The following SNRNP200 variants were observed in gnomAD, a reference collection of about 807,000 sequenced individuals.
The protein encoded by SNRNP200 is small nuclear ribonucleoprotein U5 subunit 200.
A neutral mutation model predicts 255.2 loss-of-function variants in SNRNP200; 66 were observed. That is an observed-to-expected ratio of 0.26 (90% CI 0.21 to 0.32). SNRNP200 has a LOEUF of 0.32. Among genes scored for constraint, SNRNP200 ranks in the 10% least tolerant of loss-of-function variants. SNRNP200 has a pLI of 1.00. For synonymous variants in SNRNP200, 939 were observed against 1,027.8 expected, an observed-to-expected ratio of 0.91 and a Z score of 1.65; for missense variants, 1,585 against 2,749.8, an observed-to-expected ratio of 0.58 and a Z score of 9.47.
Position 96,300,680 on chromosome 2 carries a change from G to A in SNRNP200, c.630+318C>T, listed in dbSNP as rs893415511. Among the ~76,000 whole-genome samples the A allele has an allele frequency of 1.6e-4, 24 of 151,962 alleles. 1 individual carries two copies. The highest frequency in any genetic ancestry group is 1.1e-3 in the Admixed American group (17 of 15,272). The stretch of plus-strand genomic sequence containing the variant: ...CGGGAGGCTGAGGCAGGAGAATGGC[G>A]CGAAACCTGGGAGGCAGAGCTTGCA... On this transcript the variant is annotated intron_variant, in intron 5 of 44. Coordinates refer to ENST00000323853, the MANE Select transcript of SNRNP200 (RefSeq NM_014014.5).
At chr2:96,301,757 C>G (rs1324446505) in intron 3 of SNRNP200, 41 bp from the exon 4 acceptor site, 1 of 1,608,060 alleles carries the variant, frequency 6.2e-7, no homozygotes, top group South Asian at 1.1e-5. Context: ...AGAACGACGA[C>G]AGGCAAAACA....
chr2:96,289,134 A>C lies in SNRNP200; in HGVS notation c.3094-17T>G. The stretch of plus-strand genomic sequence containing the variant: ...CTTCTCCTCCTGCCACAAGGAGGAA[A>C]AGGTCAAGGGAAAGCCTTGTGGCCG... On this transcript the variant is annotated splice_polypyrimidine_tract_variant and intron_variant, in intron 22 of 44. Transcript: ENST00000323853. The C allele has an allele frequency of 6.2e-7, 1 of 1,613,982 alleles. No individual in the cohort carries two copies. Among genetic ancestry groups the C allele is most frequent in the Non-Finnish European group, 8.5e-7 (1 of 1,179,940 alleles).
At chr2:96,288,931 TGA>T in intron 23 of SNRNP200, 104 bp downstream of exon 23, 1 of 1,139,780 alleles carries the variant, frequency 8.8e-7, no homozygotes, top group Non-Finnish European at 1.3e-6. Context: ...CTAGGAGAAC[TGA>T]GCAGGAAACC....
intron 34 of SNRNP200, 158 bp from the exon 35 acceptor site, chr2:96,282,080 A>T (rs1293150530): frequency 4.7e-6 from 3 of 637,500 alleles, no homozygotes; most frequent in Non-Finnish European, 5.7e-6. Context: ...GAGCTAACAC[A>T]TTGCTATGAG....
intron 24 of SNRNP200, 145 bp from the exon 25 acceptor site, chr2:96,288,114 T>C (rs2063855026): frequency 1.3e-6 from 1 of 744,102 alleles, no homozygotes; most frequent in Admixed American, 2.0e-5. Flanking sequence ...TCTTTACGCC[T>C]TTCTCCGTTC....
In SNRNP200 at chr2:96,289,856, G is replaced by A. The variant is rs994041082; in HGVS notation, c.2883C>T (p.Ala961=). The stretch of plus-strand genomic sequence containing the variant: ...CCAGATTGTTCTTGTCCAGCATCAG[G>A]GCAGCTGTATGAACCAGATCTAGTC... ...QRRLDLVHTA[A]LMLDKNNLVK... is the part of the protein sequence containing the mutation. The change falls in exon 21 of 45, where the codon GCC becomes GCT. Residue 961 remains alanine, a synonymous_variant. Transcript: ENST00000323853. 6.8e-6 allele frequency: 11 copies of A among 1,614,034 alleles called. No homozygotes were observed. The highest frequency in any genetic ancestry group is 1.7e-5 in the Admixed American group (1 of 59,986).
At chr2:96,285,097 T>G (rs2063836299) in intron 30 of SNRNP200, 83 bp downstream of exon 30, 15 of 1,534,370 alleles carry the variant, frequency 9.8e-6, no homozygotes, top group Admixed American at 5.1e-5. Context: ...ACCCTGCAAA[T>G]TTCAGGGCTT....
At chr2:96,304,104 C>G (rs911471897) in intron 2 of SNRNP200, among the ~76,000 whole-genome samples, 1 of 151,936 alleles carries the variant, frequency 6.6e-6, no homozygotes, top group Non-Finnish European at 1.5e-5. Flanking sequence ...TAACTCATTT[C>G]AAACATAACT....
intron 1 of SNRNP200, among the ~76,000 whole-genome samples, chr2:96,305,155 GA>G (rs1434107046): frequency 1.3e-5 from 2 of 152,238 alleles, no homozygotes; most frequent in Admixed American, 6.5e-5. Context: ...GTGACGTGTG[GA>G]AGGGGGAGGG....
intron 5 of SNRNP200, among the ~76,000 whole-genome samples, chr2:96,300,568 C>A (rs1309726461): frequency 6.6e-6 from 1 of 152,066 alleles, no homozygotes; most frequent in Non-Finnish European, 1.5e-5. Context: ...TCAAGACCAC[C>A]TTGGCTAACA....
chr2:96,295,533 C>A lies in SNRNP200; in HGVS notation c.1797G>T (p.Lys599Asn). The A allele has an allele frequency of 6.2e-7, 1 of 1,613,930 alleles. No homozygotes were observed. The highest frequency in any genetic ancestry group is 8.5e-7 in the Non-Finnish European group (1 of 1,180,018). The change falls in exon 14 of 45, where the codon AAG becomes AAT. Residue 599 changes from lysine to asparagine, a missense_variant. Physicochemically the swap from Lys to Asn is moderately conservative, Grantham distance 94 (BLOSUM62 0). Coordinates refer to ENST00000323853, the MANE Select transcript of SNRNP200 (RefSeq NM_014014.5). The stretch of plus-strand genomic sequence containing the variant: ...GCTGGGTGTAGGTGCGCTCACCACC[C>A]TTGCGGGTGATGATGTCCCACTTCT... ...TPEKWDIITR[K>N]GGERTYTQLV...
chr2:96,301,102 AC>A (rs1291023972), intron 4 of SNRNP200, 49 bp from the exon 5 acceptor site: 2 of 1,533,360 alleles, frequency 1.3e-6, no homozygotes, highest in Admixed American at 3.3e-5. Context: ...GGCTAGTAAA[AC>A]AAGGCACTCT....
At chr2:96,280,848 C>CT (rs985439781) in intron 35 of SNRNP200, among the ~76,000 whole-genome samples, 2,855 of 114,778 alleles carry the variant, frequency 0.025, 61 homozygotes, top group African/African-American at 0.04. Context: ...ACACCTGGCC[C>CT]TTTTTTTTTT....
rs780821025 is a variant in SNRNP200 at position 96,296,922 on chromosome 2, G to T, written c.1515+11C>A. ...ATTCTACAAGAAAACAGCAGGCAGGGTGGCGCTTACAGTAGGAGCACACAG... is the reference window on the plus strand; with the variant it reads ...ATTCTACAAGAAAACAGCAGGCAGGTTGGCGCTTACAGTAGGAGCACACAG... On this transcript the variant is annotated intron_variant, in intron 12 of 44. Transcript: ENST00000323853. 2 of 1,614,138 alleles carry T rather than the reference G, an allele frequency of 1.2e-6. No homozygotes were observed. Among genetic ancestry groups the T allele is most frequent in the East Asian group, 4.5e-5 (2 of 44,882 alleles).
chr2:96,276,441 T>TTTA, intron 43 of SNRNP200: 10 of 159,366 alleles, frequency 6.3e-5, no homozygotes, highest in South Asian at 5.1e-4. Context: ...TTTTTTTTTT[T>TTTA]GAGATGAAGT....
At chr2:96,285,459 G>A in intron 29 of SNRNP200, 119 bp from the exon 30 acceptor site, 1 of 1,178,558 alleles carries the variant, frequency 8.5e-7, no homozygotes. Flanking sequence ...CAGTTCTGGA[G>A]TGCAGACAGA....
At position 96,283,770 on chromosome 2, in the gene SNRNP200, T is replaced by C; in HGVS notation, c.4584+43A>G. On this transcript the variant is annotated intron_variant, in intron 32 of 44. Transcript: ENST00000323853. This position sits in a 1 kb window ranked among gnomAD's most constrained non-coding sequence, Gnocchi z 4.7. ...GTTATCAGACCTGGGTCACTCAGGATCTATGTGACACCCCACAGACGGATG... is the reference window on the plus strand; with the variant it reads ...GTTATCAGACCTGGGTCACTCAGGACCTATGTGACACCCCACAGACGGATG... The C allele has an allele frequency of 1.2e-6, 2 of 1,613,684 alleles. No individual in the cohort carries two copies. The highest frequency in any genetic ancestry group is 1.7e-6 in the Non-Finnish European group (2 of 1,179,828).
intron 43 of SNRNP200, chr2:96,276,677 C>T (rs747462279): frequency 1.7e-6 from 1 of 604,526 alleles, no homozygotes; most frequent in South Asian, 1.6e-5. Flanking sequence ...GCCTTGGCCT[C>T]CCAAAGTGCT....
intron 35 of SNRNP200, among the ~76,000 whole-genome samples, chr2:96,280,505 A>G (rs1355182875): frequency 1.3e-5 from 2 of 151,918 alleles, no homozygotes; most frequent in Non-Finnish European, 2.9e-5. Context: ...TAAAAAAAAA[A>G]CAACAACAAA....
Sources: gnomAD v4.1 joint callset for allele counts (sites outside exome capture counted in the v4.1 genomes callset) on GRCh38, gnomAD v4.1.1 for gene constraint, Gnocchi (gnomAD v3.1) non-coding constraint, MANE v1.5 for transcripts, NCBI Gene and HGNC (gene_info 2026-07-23, HGNC 2026-07-21) for gene names.